Variants in ANO3 observed in about 807,000 individuals in gnomAD.
ANO3 encodes the protein anoctamin 3.
Under a neutral mutation model 144.8 loss-of-function variants are expected in ANO3, and 99 were observed. The ratio of observed to expected loss-of-function variants is 0.68; its 90% confidence interval spans 0.58 to 0.81. ANO3 has a LOEUF of 0.81. Among genes scored for constraint, ANO3 ranks in the 30% least tolerant of loss-of-function variants. The pLI is 0.00. For missense variants in ANO3, 905 were observed against 1,202.2 expected (o/e 0.75, Z 3.66); for synonymous variants, 414 against 392.6 (o/e 1.05, Z -0.64).
intron 4 of ANO3, among the ~76,000 whole-genome samples, chr11:26,493,694 C>A (rs1225012474): frequency 1.3e-5 from 2 of 152,164 alleles, no homozygotes; most frequent in African/African-American, 4.8e-5. Context: ...TAGTCCAGTT[C>A]TGGACCTGAG....
intron 1 of ANO3, among the ~76,000 whole-genome samples, chr11:26,207,048 T>C (rs933787852): frequency 9.2e-5 from 14 of 151,834 alleles, no homozygotes; most frequent in African/African-American, 3.1e-4. Flanking sequence ...CTCGGGGAAG[T>C]AAAAAATGGG....
chr11:26,313,530 CA>C (rs1414356124), intron 1 of ANO3, among the ~76,000 whole-genome samples: 1 of 151,568 alleles, frequency 6.6e-6, no homozygotes, highest in Non-Finnish European at 1.5e-5. Flanking sequence ...ACTAAAAATA[CA>C]AAAAAATTAG....
intron 1 of ANO3, among the ~76,000 whole-genome samples, chr11:26,272,407 CAA>C: frequency 6.6e-6 from 1 of 152,256 alleles, no homozygotes; most frequent in South Asian, 2.1e-4. Context: ...GCAGGCATGA[CAA>C]CTTTGCATTT....
intron 1 of ANO3, among the ~76,000 whole-genome samples, chr11:26,419,063 C>CTGG (rs1857677162): frequency 1.3e-5 from 2 of 152,120 alleles, no homozygotes; most frequent in Non-Finnish European, 2.9e-5. Flanking sequence ...AAGCATGATG[C>CTGG]TGGCATCTAC....
intron 1 of ANO3, among the ~76,000 whole-genome samples, chr11:26,249,113 T>C (rs1852867212): frequency 6.6e-6 from 1 of 152,176 alleles, no homozygotes; most frequent in Non-Finnish European, 1.5e-5. Context: ...ATACTGACCA[T>C]AGCTTATATT....
intron 14 of ANO3, among the ~76,000 whole-genome samples, chr11:26,572,555 C>G (rs1260504864): frequency 2.0e-5 from 3 of 152,220 alleles, no homozygotes; most frequent in South Asian, 2.1e-4. Context: ...CGCACATTCT[C>G]TGAAATCATA....
chr11:26,616,712 C>A (rs1314101389), intron 17 of ANO3, among the ~76,000 whole-genome samples: 1 of 152,114 alleles, frequency 6.6e-6, no homozygotes, highest in African/African-American at 2.4e-5. Context: ...ATAATAGAAC[C>A]TGAATTTGAA....
At chr11:26,458,512 G>T (rs2134050840) in intron 3 of ANO3, among the ~76,000 whole-genome samples, 1 of 152,076 alleles carries the variant, frequency 6.6e-6, no homozygotes, top group African/African-American at 2.4e-5. Flanking sequence ...CATTTATATT[G>T]TTTTACAAAG....
At chr11:26,298,055 C>T (rs536310958) in intron 1 of ANO3, among the ~76,000 whole-genome samples, 3 of 152,308 alleles carry the variant, frequency 2.0e-5, no homozygotes, top group African/African-American at 7.2e-5. Context: ...CAGTAGATAA[C>T]ATTTTTCTCT....
intron 23 of ANO3, 101 bp downstream of exon 23, chr11:26,643,435 T>C: frequency 7.0e-7 from 1 of 1,423,844 alleles, no homozygotes; most frequent in Non-Finnish European, 9.6e-7. Context: ...TAATTGCCAG[T>C]GTCATAGTAT....
At chr11:26,263,578 T>C (rs1853242924) in intron 1 of ANO3, among the ~76,000 whole-genome samples, 1 of 152,264 alleles carries the variant, frequency 6.6e-6, no homozygotes, top group South Asian at 2.1e-4. Flanking sequence ...TTCAGTACAC[T>C]GACTTTTTTA....
At chr11:26,411,428 C>A (rs117050083) in intron 1 of ANO3, among the ~76,000 whole-genome samples, 2,109 of 152,002 alleles carry the variant, frequency 0.014, 18 homozygotes, top group Middle Eastern at 0.024. Flanking sequence ...AATTAATTTT[C>A]TGAAGGCATG....
chr11:26,404,329 G>C (rs925368568), intron 1 of ANO3, among the ~76,000 whole-genome samples: 1 of 151,758 alleles, frequency 6.6e-6, no homozygotes, highest in Non-Finnish European at 1.5e-5. Context: ...ATTGATCTAA[G>C]AATTCTGGGC....
At position 26,430,396 on chromosome 11, in the gene ANO3, A is replaced by G. The variant is rs183057059; in HGVS notation, c.47-11522A>G. Among the ~76,000 whole-genome samples, 210 of 152,236 alleles carry G rather than the reference A, an allele frequency of 1.4e-3. 1 individual carries two copies. Among genetic ancestry groups the G allele is most frequent in the Non-Finnish European group, 1.1e-3 (74 of 68,014 alleles). ...TACCTTGAAATAAAAAACCTAAACA[A>G]CTCTTATTTGAAAAAAGAAAACATA... is the stretch of plus-strand genomic sequence containing the variant. On this transcript the variant is annotated intron_variant, in intron 1 of 26. Coordinates refer to ENST00000256737, the MANE Select transcript of ANO3 (RefSeq NM_031418.4).
At chr11:26,287,641 A>G (rs1853839252) in intron 1 of ANO3, 1 of 152,212 alleles carries the variant, frequency 6.6e-6, no homozygotes, top group African/African-American at 2.4e-5. Flanking sequence ...GACTCTAAGC[A>G]ACTTACCCAA....
chr11:26,581,699 A>G (rs1851137775), intron 14 of ANO3, among the ~76,000 whole-genome samples: 1 of 151,658 alleles, frequency 6.6e-6, no homozygotes, highest in Admixed American at 6.6e-5. Context: ...AAAAAAAAAA[A>G]AAAAAAAAAA....
At chr11:26,253,979 A>G (rs1466577960) in intron 1 of ANO3, among the ~76,000 whole-genome samples, 1 of 152,218 alleles carries the variant, frequency 6.6e-6, no homozygotes, top group African/African-American at 2.4e-5. Flanking sequence ...ACAAGAAGGC[A>G]TGCTCAACAT....
In ANO3 at chr11:26,537,326, T is replaced by C. The variant is rs375562; in HGVS notation, c.977-80T>C. 94,206 of 1,112,818 alleles carry C rather than the reference T, an allele frequency of 0.085. 4,609 individuals are homozygous for C. Among genetic ancestry groups the C allele is most frequent in the African/African-American group, 0.16 (10,692 of 64,916 alleles). The allele number at this position is 1,112,818 out of a possible 1,614,324, so 68.9% of individuals were successfully genotyped here. On this transcript the variant is annotated intron_variant, in intron 9 of 26. Coordinates refer to ENST00000256737, the MANE Select transcript of ANO3 (RefSeq NM_031418.4). ...CTTAAACTTTTTAATCGATTCATTGTTCCCCGTATATTTCTGTTGCTTCAG... is the reference window on the plus strand; with the variant it reads ...CTTAAACTTTTTAATCGATTCATTGCTCCCCGTATATTTCTGTTGCTTCAG...
At chr11:26,407,359 C>T (rs1161666186) in intron 1 of ANO3, among the ~76,000 whole-genome samples, 1 of 151,538 alleles carries the variant, frequency 6.6e-6, no homozygotes, top group Non-Finnish European at 1.5e-5. Flanking sequence ...CCTGCTATCC[C>T]CACTTGGAAC....
Sources: gnomAD v4.1 joint callset for allele counts (sites outside exome capture counted in the v4.1 genomes callset) on GRCh38, gnomAD v4.1.1 for gene constraint, MANE v1.5 for transcripts, NCBI Gene and HGNC (gene_info 2026-07-23, HGNC 2026-07-21) for gene names.